Variants in SHTN1 observed in about 807,000 individuals in gnomAD.
SHTN1 encodes shootin-1.
SHTN1 carries 42 observed loss-of-function variants against 83.1 expected under a neutral mutation model. The ratio of observed to expected loss-of-function variants is 0.51; its 90% confidence interval spans 0.39 to 0.65. The LOEUF (loss-of-function observed/expected upper bound fraction) is 0.65. Ranked by LOEUF, SHTN1 falls within the 30% of genes least tolerant of loss-of-function variation. The pLI is 0.00. For missense variants in SHTN1, 622 were observed against 737.8 expected (o/e 0.84, Z 1.82); for synonymous variants, 224 against 247.7 (o/e 0.90, Z 0.90).
At chr10:117,088,111 CTAATA>C (rs1564955485) in intron 1 of SHTN1, among the ~76,000 whole-genome samples, 1 of 152,152 alleles carries the variant, frequency 6.6e-6, no homozygotes, top group Non-Finnish European at 1.5e-5. Flanking sequence ...TCCAGTGTAA[CTAATA>C]TATTAAAGAA....
chr10:116,983,033 G>C (rs766020424), intron 1 of SHTN1, among the ~76,000 whole-genome samples: 1 of 151,634 alleles, frequency 6.6e-6, no homozygotes, highest in Non-Finnish European at 1.5e-5. Context: ...TTGAGAGCTC[G>C]AGAAGACTTC....
At chr10:116,942,683 T>C (rs1849424842) in intron 8 of SHTN1, among the ~76,000 whole-genome samples, 1 of 152,238 alleles carries the variant, frequency 6.6e-6, no homozygotes, top group African/African-American at 2.4e-5. Context: ...TTAGAAAATA[T>C]TTGTATCTTT....
At chr10:116,918,094 T>C (rs1411675099) in intron 12 of SHTN1, among the ~76,000 whole-genome samples, 1 of 152,168 alleles carries the variant, frequency 6.6e-6, no homozygotes, top group Admixed American at 6.5e-5. Context: ...CAGTTGGTAA[T>C]TGTCTCACAA....
intron 8 of SHTN1, among the ~76,000 whole-genome samples, chr10:116,943,289 C>T (rs1031744931): frequency 6.6e-6 from 1 of 152,218 alleles, no homozygotes; most frequent in African/African-American, 2.4e-5. Context: ...TCTGTCTTCT[C>T]TGCTACCACA....
At position 116,901,434 on chromosome 10, in the gene SHTN1, G is replaced by C. The variant is rs1847730545; in HGVS notation, c.1673+331C>G. The stretch of plus-strand genomic sequence containing the variant: ...TTGGGCTGCTCATGAACCATTAAGA[G>C]GGATGATCGATGTATTTAATCTTGA... On this transcript the variant is annotated intron_variant, in intron 16 of 16. Coordinates refer to ENST00000355371, the MANE Select transcript of SHTN1 (RefSeq NM_001127211.3). 29 of 985,170 alleles carry C rather than the reference G, an allele frequency of 2.9e-5. No individual in the cohort carries two copies. In the South Asian group the frequency reaches 1.1e-3, roughly 37 times the overall value. 61.0% of individuals were successfully genotyped at this position (985,170 alleles called of 1,614,324 possible).
intron 2 of SHTN1, among the ~76,000 whole-genome samples, chr10:117,045,545 CA>C (rs1218818446): frequency 7.2e-5 from 11 of 152,124 alleles, no homozygotes; most frequent in Non-Finnish European, 1.3e-4. Context: ...CAGGAAAGCC[CA>C]TATACAACAG....
intron 1 of SHTN1, among the ~76,000 whole-genome samples, chr10:117,105,939 G>A (rs1235227055): frequency 6.6e-6 from 1 of 152,088 alleles, no homozygotes; most frequent in African/African-American, 2.4e-5. Flanking sequence ...GCTTGAGCCT[G>A]ACAGGTCGAG....
rs1400238612 is a variant in SHTN1 at position 117,005,177 on chromosome 10, TC to T, written c.-99del. Reference sequence around the variant, plus strand: ...AAGCAAGATGCCGGTGGCTTGCGGCTCCACTACCCGGAAGTTGGATCCGCTC... The same window carrying T: ...AAGCAAGATGCCGGTGGCTTGCGGCTCACTACCCGGAAGTTGGATCCGCTC... On this transcript the variant is annotated 5_prime_UTR_variant, in exon 1 of 17. Transcript: ENST00000355371. 54 of 1,540,862 alleles carry T rather than the reference TC, an allele frequency of 3.5e-5. No individual in the cohort carries two copies. Among genetic ancestry groups the T allele is most frequent in the Non-Finnish European group, 4.6e-5 (53 of 1,143,742 alleles).
chr10:117,089,234 T>G (rs1447343837), intron 1 of SHTN1, among the ~76,000 whole-genome samples: 1 of 152,232 alleles, frequency 6.6e-6, no homozygotes, highest in Non-Finnish European at 1.5e-5. Context: ...GATTGTGGTG[T>G]TGTTTATGTG....
chr10:117,021,851 G>T (rs555356626), intron 2 of SHTN1, among the ~76,000 whole-genome samples: 2 of 152,230 alleles, frequency 1.3e-5, no homozygotes, highest in East Asian at 3.9e-4. Context: ...TAGCAATTTG[G>T]CTGTGGTATA....
chr10:116,928,371 C>T (rs1196005090), intron 10 of SHTN1, among the ~76,000 whole-genome samples: 1 of 152,142 alleles, frequency 6.6e-6, no homozygotes, highest in Non-Finnish European at 1.5e-5. Flanking sequence ...TTGATTTTAA[C>T]CAGATTCAGC....
intron 10 of SHTN1, 36 bp from the exon 11 acceptor site, chr10:116,927,927 A>G (rs2133375318): frequency 1.2e-6 from 2 of 1,610,016 alleles, no homozygotes; most frequent in East Asian, 2.2e-5. Context: ...GAGAGCTGAA[A>G]TAAGCAACTA....
At chr10:117,003,672 G>T (rs1467290230) in intron 1 of SHTN1, among the ~76,000 whole-genome samples, 1 of 151,886 alleles carries the variant, frequency 6.6e-6, no homozygotes, top group African/African-American at 2.4e-5. Flanking sequence ...TGATTGACCA[G>T]AAGATCCACG....
At chr10:116,994,222 G>A (rs144163753) in intron 1 of SHTN1, among the ~76,000 whole-genome samples, 80 of 152,160 alleles carry the variant, frequency 5.3e-4, no homozygotes, top group African/African-American at 1.8e-3. Context: ...GGAAAGGAGT[G>A]ATTTTGTCTA....
At chr10:117,124,066 C>T (rs1349553586) in intron 1 of SHTN1, among the ~76,000 whole-genome samples, 1 of 151,922 alleles carries the variant, frequency 6.6e-6, no homozygotes, top group Non-Finnish European at 1.5e-5. Context: ...AAAAAAATAG[C>T]TGGGCATGGT....
intron 16 of SHTN1, among the ~76,000 whole-genome samples, chr10:116,898,259 C>T (rs908564062): frequency 3.3e-5 from 5 of 151,234 alleles, no homozygotes; most frequent in African/African-American, 1.2e-4. Flanking sequence ...ACTTGGGTGG[C>T]GGAGGTTGCA....
chr10:117,010,775 CATAAGAAA>C (rs1852092124), intron 2 of SHTN1, among the ~76,000 whole-genome samples: 1 of 152,146 alleles, frequency 6.6e-6, no homozygotes, highest in African/African-American at 2.4e-5. Context: ...AGTGGTTCAA[CATAAGAAA>C]ATCAATCAAT....
intron 2 of SHTN1, among the ~76,000 whole-genome samples, chr10:117,014,684 A>C (rs17540632): frequency 0.033 from 5,072 of 152,318 alleles, 130 homozygotes; most frequent in Non-Finnish European, 0.053. Flanking sequence ...GTTCTTAAAA[A>C]TTATTATGCT....
intron 5 of SHTN1, among the ~76,000 whole-genome samples, chr10:116,953,686 G>T (rs1359292919): frequency 7.6e-6 from 1 of 130,850 alleles, no homozygotes; most frequent in East Asian, 2.6e-4. Flanking sequence ...GGAGTGCAAC[G>T]GCGCAATCTC....
Sources: allele counts gnomAD v4.1 joint callset (sites outside exome capture counted in the v4.1 genomes callset), GRCh38; gene constraint gnomAD v4.1.1; transcripts MANE v1.5; gene names NCBI Gene and HGNC (gene_info 2026-07-23, HGNC 2026-07-21).